The following SHISA5 variants were observed in gnomAD, a reference collection of about 807,000 sequenced individuals.
SHISA5 encodes shisa family member 5.
In SHISA5, 21 loss-of-function variants were observed where a neutral mutation model predicts 27.5. That is an observed-to-expected ratio of 0.76 (90% confidence interval 0.54 to 1.10). SHISA5 has a LOEUF of 1.10. Ranked by LOEUF, SHISA5 falls within the 50% of genes least tolerant of loss-of-function variation. The pLI is 0.00. For synonymous variants in SHISA5, 137 were observed against 142.2 expected, an observed-to-expected ratio of 0.96 and a Z score of 0.26; for missense variants, 314 against 336.3, an observed-to-expected ratio of 0.93 and a Z score of 0.52.
intron 3 of SHISA5, chr3:48,476,986 C>T (rs1054582516): frequency 3.1e-5 from 13 of 422,334 alleles, no homozygotes; most frequent in Admixed American, 1.2e-4. Flanking sequence ...TCTGAGCTGG[C>T]CCCAGTCACC....
chr3:48,492,627 C>T (rs1419132881), intron 2 of SHISA5, among the ~76,000 whole-genome samples: 2 of 147,852 alleles, frequency 1.4e-5, no homozygotes, highest in Non-Finnish European at 2.9e-5. Flanking sequence ...CAAGCCTTCG[C>T]CCAAGGAAGC....
At chr3:48,493,323 G>T (rs1237954966) in intron 2 of SHISA5, among the ~76,000 whole-genome samples, 1 of 146,196 alleles carries the variant, frequency 6.8e-6, no homozygotes, top group South Asian at 2.1e-4. Flanking sequence ...CCAGCTGCTC[G>T]GTAGGCTGAG....
Position 48,468,313 on chromosome 3 carries a change from C to A in SHISA5, c.*794G>T. ...AACTGAGTGTGCTGGTGGACAGGAG[C>A]CCTGCTCACCTGTGGGAAGGGCAGG... On this transcript the variant is annotated 3_prime_UTR_variant, in exon 6 of 6. Transcript: ENST00000296444. 9.7e-7 allele frequency: 1 copy of A among 1,029,366 alleles called. No individual in the cohort carries two copies. Among genetic ancestry groups the A allele is most frequent in the Non-Finnish European group, 1.2e-6 (1 of 856,124 alleles). 63.8% of individuals were successfully genotyped at this position (1,029,366 alleles called of 1,614,324 possible). A position where few individuals can be genotyped will look rare whatever the true frequency, so the allele number is the denominator to read the frequency against.
At chr3:48,483,341 C>A (rs1157153882) in intron 2 of SHISA5, among the ~76,000 whole-genome samples, 1 of 152,048 alleles carries the variant, frequency 6.6e-6, no homozygotes, top group East Asian at 1.9e-4. Context: ...ACATCTTGCA[C>A]CGCCCTTAAT....
chr3:48,503,914 G>T, intron 1 of SHISA5, 105 bp downstream of exon 1: 2 of 1,365,036 alleles, frequency 1.5e-6, no homozygotes, highest in Non-Finnish European at 1.9e-6. Flanking sequence ...AGGGGTCAGT[G>T]GGGGGCATAG....
At chr3:48,495,224 A>G (rs966208912) in intron 2 of SHISA5, among the ~76,000 whole-genome samples, 4 of 146,940 alleles carry the variant, frequency 2.7e-5, no homozygotes, top group African/African-American at 1.1e-4. Context: ...AACATGTTGG[A>G]AAGCTGTTTG....
intron 3 of SHISA5, among the ~76,000 whole-genome samples, chr3:48,472,100 T>C (rs1275455905): frequency 6.6e-6 from 1 of 151,050 alleles, no homozygotes; most frequent in Non-Finnish European, 1.5e-5. Flanking sequence ...GGAGAATCGC[T>C]TGAACCAAGG....
chr3:48,490,488 C>T (rs9851771), intron 2 of SHISA5, among the ~76,000 whole-genome samples: 13,093 of 152,240 alleles, frequency 0.086, 1,029 homozygotes, highest in African/African-American at 0.21. Context: ...ATTCCCAAGG[C>T]TTAAAGTCTA....
chr3:48,502,605 A>T (rs995078017), intron 1 of SHISA5: 25 of 342,180 alleles, frequency 7.3e-5, no homozygotes, highest in Non-Finnish European at 1.2e-4. Flanking sequence ...ACAAACCTCC[A>T]GGAAGATGCT....
chr3:48,469,654 T>A lies in SHISA5; in HGVS notation c.430+74A>T. 6.2e-7 allele frequency: 1 copy of A among 1,600,772 alleles called. No individual in the cohort carries two copies. The highest frequency in any genetic ancestry group is 8.5e-7 in the Non-Finnish European group (1 of 1,173,154). On this transcript the variant is annotated intron_variant, in intron 4 of 5. Coordinates refer to ENST00000296444, the MANE Select transcript of SHISA5 (RefSeq NM_016479.6). The surrounding 1 kb of genome is among the most constrained non-coding windows in gnomAD (Gnocchi z 4.6). Reference sequence around the variant, plus strand: ...AGGCTTGCCACCCATCCCTCCAGCTTAGCCAAAGCAGGGCCTGGTCAGCTT... The same window carrying A: ...AGGCTTGCCACCCATCCCTCCAGCTAAGCCAAAGCAGGGCCTGGTCAGCTT...
intron 2 of SHISA5, among the ~76,000 whole-genome samples, chr3:48,486,308 A>G (rs1183809932): frequency 2.4e-5 from 2 of 81,952 alleles, no homozygotes; most frequent in Non-Finnish European, 4.1e-5. Context: ...TATATATTAT[A>G]TAATATATAA....
chr3:48,472,437 A>G (rs1412505892), intron 3 of SHISA5, among the ~76,000 whole-genome samples: 1 of 152,212 alleles, frequency 6.6e-6, no homozygotes, highest in East Asian at 1.9e-4. Flanking sequence ...CGGAGGTTGC[A>G]GTGAGCAGAG....
chr3:48,472,698 G>A (rs1169188851), intron 3 of SHISA5, among the ~76,000 whole-genome samples: 5 of 147,200 alleles, frequency 3.4e-5, no homozygotes, highest in African/African-American at 9.9e-5. Flanking sequence ...ACCCTACCCC[G>A]CCCTGGGACT....
intron 3 of SHISA5, among the ~76,000 whole-genome samples, chr3:48,471,382 G>A (rs1480235081): frequency 1.3e-5 from 2 of 150,616 alleles, no homozygotes; most frequent in Non-Finnish European, 3.0e-5. Context: ...AGCAGTTTGA[G>A]ACCAGCTTGG....
chr3:48,468,146 C>G lies in SHISA5; in HGVS notation c.*961G>C. 1 of 1,000,466 alleles carries G rather than the reference C, an allele frequency of 1.0e-6. No individual in the cohort carries two copies. The highest frequency in any genetic ancestry group is 1.2e-6 in the Non-Finnish European group (1 of 837,668). The allele number at this position is 1,000,466 out of a possible 1,614,324, so 62.0% of individuals were successfully genotyped here. ...TGAGGCTGGTGTCGGGAAGCAGGGACTCACAGTTGCCAGGTTGTCCATCTC... is the reference window on the plus strand; with the variant it reads ...TGAGGCTGGTGTCGGGAAGCAGGGAGTCACAGTTGCCAGGTTGTCCATCTC... On this transcript the variant is annotated 3_prime_UTR_variant, in exon 6 of 6. Coordinates refer to ENST00000296444, the MANE Select transcript of SHISA5 (RefSeq NM_016479.6).
intron 3 of SHISA5, among the ~76,000 whole-genome samples, chr3:48,471,652 C>A (rs1324545137): frequency 3.3e-5 from 5 of 151,236 alleles, no homozygotes; most frequent in East Asian, 2.0e-4. Context: ...GTGGCTCACA[C>A]CTGTAATCCC....
intron 2 of SHISA5, among the ~76,000 whole-genome samples, chr3:48,484,728 C>T (rs1055800276): frequency 1.3e-4 from 19 of 151,372 alleles, no homozygotes; most frequent in African/African-American, 4.6e-4. Context: ...CCCATCCCTA[C>T]TAAAAATACA....
intron 2 of SHISA5, among the ~76,000 whole-genome samples, chr3:48,484,527 C>T (rs1300676417): frequency 1.3e-5 from 2 of 151,642 alleles, no homozygotes; most frequent in African/African-American, 2.4e-5. Context: ...ACCCAGGAGG[C>T]GGAGGTTGCA....
chr3:48,468,456 G>C lies in SHISA5; in HGVS notation c.*651C>G. 8.5e-7 allele frequency: 1 copy of C among 1,173,092 alleles called. No homozygotes were observed. The highest frequency in any genetic ancestry group is 1.7e-5 in the South Asian group (1 of 58,446). The allele number at this position is 1,173,092 out of a possible 1,614,324, so 72.7% of individuals were successfully genotyped here. ...ACAGTCCAGGCAGACAGGTACAGCT[G>C]AGTAGGGCTCTGCCTGAGGTGTTCT... On this transcript the variant is annotated 3_prime_UTR_variant, in exon 6 of 6. Coordinates refer to ENST00000296444, the MANE Select transcript of SHISA5 (RefSeq NM_016479.6).
Sources: gnomAD v4.1 joint callset for allele counts (sites outside exome capture counted in the v4.1 genomes callset) on GRCh38, gnomAD v4.1.1 for gene constraint, Gnocchi (gnomAD v3.1) non-coding constraint, MANE v1.5 for transcripts, NCBI Gene and HGNC (gene_info 2026-07-23, HGNC 2026-07-21) for gene names.